DTL: variants seen among roughly 807,000 people sequenced by gnomAD.
The protein encoded by DTL is denticleless protein homolog.
Under a neutral mutation model 87.0 loss-of-function variants are expected in DTL, and 46 were observed. The observed-to-expected ratio is 0.53, with a 90% confidence interval of 0.42 to 0.68. DTL has a LOEUF of 0.68. DTL is among the 30% of genes least tolerant of loss of function. The pLI is 0.00. For synonymous variants in DTL, 308 were observed against 311.2 expected, an observed-to-expected ratio of 0.99 and a Z score of 0.11; for missense variants, 737 against 869.4, an observed-to-expected ratio of 0.85 and a Z score of 1.91.
chr1:212,064,768 C>T, intron 6 of DTL, 149 bp from the exon 7 acceptor site: 4 of 637,380 alleles, frequency 6.3e-6, no homozygotes, highest in Non-Finnish European at 1.1e-5. Flanking sequence ...ATTATAGTCT[C>T]ACCACAGGAG....
intron 13 of DTL, among the ~76,000 whole-genome samples, chr1:212,084,684 A>G (rs892925046): frequency 6.6e-6 from 1 of 152,028 alleles, no homozygotes; most frequent in African/African-American, 2.4e-5. Flanking sequence ...ATTTCTATTT[A>G]TTTTTTGCAA....
chr1:212,096,694 G>C (rs774514452), intron 13 of DTL, among the ~76,000 whole-genome samples: 7 of 152,096 alleles, frequency 4.6e-5, no homozygotes, highest in Non-Finnish European at 7.4e-5. Flanking sequence ...AATTCCCTTT[G>C]GAGTTGACTT....
At chr1:212,092,702 GT>G (rs753971113) in intron 13 of DTL, among the ~76,000 whole-genome samples, 22 of 152,256 alleles carry the variant, frequency 1.4e-4, no homozygotes, top group Non-Finnish European at 2.9e-4. Flanking sequence ...CATTTTTGCA[GT>G]TGCAAATTAT....
At chr1:212,081,301 A>G (rs897804410) in intron 13 of DTL, among the ~76,000 whole-genome samples, 2 of 152,168 alleles carry the variant, frequency 1.3e-5, no homozygotes, top group African/African-American at 4.8e-5. Context: ...CAGGCAGATA[A>G]AAGTACACAG....
intron 12 of DTL, among the ~76,000 whole-genome samples, chr1:212,079,098 G>T (rs779458390): frequency 9.9e-5 from 15 of 151,796 alleles, no homozygotes; most frequent in Non-Finnish European, 1.6e-4. Flanking sequence ...TTCCAGTATT[G>T]CTGTGGATTT....
chr1:212,037,307 T>A (rs1667507102), intron 1 of DTL, among the ~76,000 whole-genome samples: 1 of 152,252 alleles, frequency 6.6e-6, no homozygotes, highest in African/African-American at 2.4e-5. Flanking sequence ...CTGAAATTCA[T>A]TCGTTATTAT....
At chr1:212,093,669 G>C (rs951578953) in intron 13 of DTL, among the ~76,000 whole-genome samples, 2 of 152,142 alleles carry the variant, frequency 1.3e-5, no homozygotes, top group East Asian at 3.9e-4. Flanking sequence ...GCTTCTCAAC[G>C]TCTGCTTGAC....
At position 212,100,882 on chromosome 1, in the gene DTL, AAAGCTGTGG is replaced by A; in HGVS notation, c.1895_1903del (p.Ser632_Gly634del). The A allele has an allele frequency of 6.2e-7, 1 of 1,614,198 alleles. No individual in the cohort carries two copies. Among genetic ancestry groups the A allele is most frequent in the Non-Finnish European group, 8.5e-7 (1 of 1,180,032 alleles). On this transcript the variant is annotated inframe_deletion, in exon 14 of 15. Transcript: ENST00000366991. ...TCTCCTATCAGTCCGTATGCTTCAG[AAAGCTGTGG>A]AACGCTACCTCTTCCTTTGAGACCT... is the stretch of plus-strand genomic sequence containing the variant.
intron 5 of DTL, among the ~76,000 whole-genome samples, chr1:212,057,930 A>G (rs1012938811): frequency 1.3e-5 from 2 of 152,214 alleles, no homozygotes; most frequent in Non-Finnish European, 2.9e-5. Context: ...AAGAATAGCT[A>G]TACTTACATC....
At position 212,100,273 on chromosome 1, in the gene DTL, G is replaced by A. The variant is rs2102588788; in HGVS notation, c.1283G>A (p.Ser428Asn). The change falls in exon 14 of 15, where the codon AGT becomes AAT. Residue 428 changes from serine (S) to asparagine (N), a missense_variant. Transcript: ENST00000366991. ...PGLVTVTSSQSTPAKAPRAKC... is the reference protein window; with the variant it reads ...PGLVTVTSSQNTPAKAPRAKC... ...TCAGTAACAGTAACGAGTAGCCAGA[G>A]TACTCCTGCCAAAGCCCCCAGGGCA... is the stretch of plus-strand genomic sequence containing the variant. 7 of 1,577,754 alleles carry A rather than the reference G, an allele frequency of 4.4e-6. No individual in the cohort carries two copies. The highest frequency in any genetic ancestry group is 6.0e-6 in the Non-Finnish European group (7 of 1,164,600).
intron 13 of DTL, among the ~76,000 whole-genome samples, chr1:212,092,035 G>A (rs1431713258): frequency 6.6e-6 from 1 of 152,158 alleles, no homozygotes; most frequent in Non-Finnish European, 1.5e-5. Flanking sequence ...TACTTTAGTG[G>A]TGATTTCTGA....
At chr1:212,098,171 T>C (rs1655504773) in intron 13 of DTL, among the ~76,000 whole-genome samples, 1 of 152,134 alleles carries the variant, frequency 6.6e-6, no homozygotes, top group African/African-American at 2.4e-5. Context: ...TGGTTGTAGT[T>C]TTATTTAGTG....
intron 5 of DTL, among the ~76,000 whole-genome samples, chr1:212,061,497 T>TC (rs527658341): frequency 1.1e-4 from 3 of 26,240 alleles, no homozygotes; most frequent in African/African-American, 2.7e-4. Context: ...GTAAGATTTC[T>TC]CAAAAAAAAA....
intron 7 of DTL, among the ~76,000 whole-genome samples, chr1:212,065,776 G>A (rs1654474183): frequency 6.6e-6 from 1 of 152,162 alleles, no homozygotes; most frequent in Non-Finnish European, 1.5e-5. Flanking sequence ...CGCAATCTTG[G>A]CTCACTGCAA....
rs925100938 is a variant in DTL at position 212,088,068 on chromosome 1, G to C, written c.1261+7318G>C. On this transcript the variant is annotated intron_variant, in intron 13 of 14. Transcript: ENST00000366991. ...GCTATGCATCATAGCTACTTGGGGA[G>C]CTTTTCAAGTCCGTGTATCCCCAGT... is the stretch of plus-strand genomic sequence containing the variant. Among the ~76,000 whole-genome samples, 4 of 152,300 alleles carry C rather than the reference G, an allele frequency of 2.6e-5. No homozygotes were observed. The East Asian group carries it at 7.7e-4, about 29-fold the overall frequency.
At chr1:212,047,691 A>G (rs959965508) in intron 5 of DTL, among the ~76,000 whole-genome samples, 4 of 152,152 alleles carry the variant, frequency 2.6e-5, no homozygotes, top group Admixed American at 6.5e-5. Flanking sequence ...GCACATCACC[A>G]TGCCCAGCTA....
chr1:212,097,445 T>C (rs1283144262), intron 13 of DTL, among the ~76,000 whole-genome samples: 2 of 152,176 alleles, frequency 1.3e-5, no homozygotes, highest in Admixed American at 6.5e-5. Context: ...TTTGTTGAAT[T>C]GGGTTAATTC....
At position 212,043,090 on chromosome 1, in the gene DTL, T is replaced by G. The variant is rs186342970; in HGVS notation, c.150T>G (p.Val50=). The part of the protein sequence containing the change: ...HTSYGETGVP[V]PPFGCTFSSA... ...CTTATGGAGAAACAGGAGTCCCAGT[T>G]CCTCCTTTTGGATGTACCTTCTCTT... Residue 50 remains valine (V), a synonymous_variant, in exon 2 of 15, where the codon GTT becomes GTG. Coordinates refer to ENST00000366991, the MANE Select transcript of DTL (RefSeq NM_016448.4). 39 of 1,613,156 alleles carry G rather than the reference T, an allele frequency of 2.4e-5. No individual in the cohort carries two copies. The African/African-American group carries it at 4.5e-4, about 19-fold the overall frequency.
chr1:212,057,655 AGT>A (rs1668220326), intron 5 of DTL, among the ~76,000 whole-genome samples: 1 of 152,162 alleles, frequency 6.6e-6, no homozygotes, highest in Non-Finnish European at 1.5e-5. Context: ...AATGATAAAA[AGT>A]ACCAGAGAAA....
Sources: allele counts gnomAD v4.1 joint callset (sites outside exome capture counted in the v4.1 genomes callset), GRCh38; gene constraint gnomAD v4.1.1; transcripts MANE v1.5; gene names NCBI Gene and HGNC (gene_info 2026-07-23, HGNC 2026-07-21).